CPQ: variants seen among roughly 807,000 people sequenced by gnomAD.
CPQ encodes carboxypeptidase Q, also known as Ser-Met dipeptidase.
A neutral mutation model predicts 45.7 loss-of-function variants in CPQ; 37 were observed. The ratio of observed to expected loss-of-function variants is 0.81; its 90% confidence interval spans 0.62 to 1.07. The LOEUF is 1.07. Among genes scored for constraint, CPQ ranks in the 50% least tolerant of loss-of-function variants. CPQ has a pLI of 0.00. For synonymous variants in CPQ, 186 were observed against 205.8 expected (o/e 0.90, Z 0.82); for missense variants, 537 against 572.9 (o/e 0.94, Z 0.64).
chr8:97,129,311 T>C (rs1374490571), intron 7 of CPQ, among the ~76,000 whole-genome samples: 1 of 152,126 alleles, frequency 6.6e-6, no homozygotes, highest in Non-Finnish European at 1.5e-5. Flanking sequence ...TGAGTAAATA[T>C]GAATTCAGCA....
At chr8:96,685,499 T>C (rs904708499) in intron 1 of CPQ, among the ~76,000 whole-genome samples, 2 of 152,132 alleles carry the variant, frequency 1.3e-5, no homozygotes, top group Non-Finnish European at 2.9e-5. Flanking sequence ...TTTTTTCCGA[T>C]GGGATTCAAA....
At chr8:97,142,110 A>C (rs1207683182) in intron 7 of CPQ, among the ~76,000 whole-genome samples, 1 of 152,196 alleles carries the variant, frequency 6.6e-6, no homozygotes, top group Non-Finnish European at 1.5e-5. Flanking sequence ...GCATTAAATT[A>C]TGGACATATA....
At chr8:96,688,863 A>G (rs547968383) in intron 1 of CPQ, among the ~76,000 whole-genome samples, 12 of 152,300 alleles carry the variant, frequency 7.9e-5, no homozygotes, top group African/African-American at 2.9e-4. Flanking sequence ...AATAATGTTA[A>G]TAAGTCCAGA....
At chr8:97,041,402 T>G (rs537038798) in intron 6 of CPQ, among the ~76,000 whole-genome samples, 91 of 152,300 alleles carry the variant, frequency 6.0e-4, no homozygotes, top group African/African-American at 2.1e-3. Flanking sequence ...AATGGGGTTT[T>G]CTAGATATAC....
intron 6 of CPQ, among the ~76,000 whole-genome samples, chr8:97,036,601 T>TAA (rs760656975): frequency 3.3e-5 from 5 of 152,242 alleles, no homozygotes; most frequent in African/African-American, 4.8e-5. Flanking sequence ...ATAATGTTGC[T>TAA]GTCTTCTCTT....
chr8:97,011,173 T>C (rs1809478746), intron 5 of CPQ, among the ~76,000 whole-genome samples: 3 of 152,220 alleles, frequency 2.0e-5, no homozygotes, highest in Admixed American at 2.0e-4. Context: ...GACATTCCTG[T>C]TGATATAAAT....
At chr8:96,717,744 G>A (rs1306979871) in intron 1 of CPQ, among the ~76,000 whole-genome samples, 2 of 152,126 alleles carry the variant, frequency 1.3e-5, no homozygotes, top group Non-Finnish European at 2.9e-5. Context: ...AGTCGTGGGC[G>A]CTGGGTCAGG....
chr8:96,994,170 A>G (rs1161744275), intron 5 of CPQ, among the ~76,000 whole-genome samples: 2 of 152,176 alleles, frequency 1.3e-5, no homozygotes. Flanking sequence ...TGCATGAACA[A>G]AAAGTCACCT....
At chr8:97,094,444 C>G (rs1297314442) in intron 7 of CPQ, among the ~76,000 whole-genome samples, 2 of 152,236 alleles carry the variant, frequency 1.3e-5, no homozygotes, top group East Asian at 3.9e-4. Context: ...ACCTTCGCTG[C>G]CCCATCCATG....
At chr8:97,075,457 C>T (rs1285008720) in intron 7 of CPQ, among the ~76,000 whole-genome samples, 1 of 152,192 alleles carries the variant, frequency 6.6e-6, no homozygotes, top group East Asian at 1.9e-4. Flanking sequence ...ATGGAGGATA[C>T]AAAAATGAGA....
chr8:96,661,221 T>G (rs189812326), intron 1 of CPQ, among the ~76,000 whole-genome samples: 226 of 152,348 alleles, frequency 1.5e-3, no homozygotes, highest in African/African-American at 5.2e-3. Flanking sequence ...TACTTTTTTT[T>G]GAAAAGCAGT....
chr8:96,927,383 G>C (rs552688651), intron 4 of CPQ, among the ~76,000 whole-genome samples: 1 of 152,286 alleles, frequency 6.6e-6, no homozygotes, highest in Non-Finnish European at 1.5e-5. Context: ...ATGCTTGACT[G>C]TGCCAGTTCC....
chr8:96,745,801 A>G (rs1390870169), intron 1 of CPQ, among the ~76,000 whole-genome samples: 1 of 152,250 alleles, frequency 6.6e-6, no homozygotes, highest in Non-Finnish European at 1.5e-5. Flanking sequence ...ATGAACTATC[A>G]TTTGAAATGG....
intron 1 of CPQ, among the ~76,000 whole-genome samples, chr8:96,781,357 T>C (rs1810683017): frequency 6.6e-6 from 1 of 151,952 alleles, no homozygotes; most frequent in Non-Finnish European, 1.5e-5. Flanking sequence ...TTTAGCTGCA[T>C]CAAAACTTTG....
rs183907219 is a variant in CPQ, at chr8:96,656,159, A to T, written c.-35+10757A>T. On this transcript the variant is annotated intron_variant, in intron 1 of 7. Coordinates refer to ENST00000220763, the MANE Select transcript of CPQ (RefSeq NM_016134.4). ...ATAAGCCACTGCATCCAGCCCCAACAGCTTGCTCTTCTGGTCTTTACAGGT... is the reference window on the plus strand; with the variant it reads ...ATAAGCCACTGCATCCAGCCCCAACTGCTTGCTCTTCTGGTCTTTACAGGT... Among the ~76,000 whole-genome samples the T allele has an allele frequency of 2.4e-3, 361 of 152,308 alleles. 4 individuals carry two copies. Among genetic ancestry groups the T allele is most frequent in the African/African-American group, 8.2e-3 (339 of 41,570 alleles).
intron 5 of CPQ, among the ~76,000 whole-genome samples, chr8:97,006,634 AG>A (rs1809388741): frequency 6.6e-6 from 1 of 152,232 alleles, no homozygotes; most frequent in Non-Finnish European, 1.5e-5. Flanking sequence ...TCCCTTTCTT[AG>A]AACCCCTGGG....
chr8:96,867,283 C>G (rs1251010666), intron 3 of CPQ, among the ~76,000 whole-genome samples: 2 of 151,996 alleles, frequency 1.3e-5, no homozygotes, highest in African/African-American at 2.4e-5. Context: ...AAGGAACACC[C>G]ACTAATTCTT....
intron 7 of CPQ, among the ~76,000 whole-genome samples, chr8:97,127,988 A>G (rs1450613702): frequency 3.3e-5 from 5 of 152,198 alleles, no homozygotes; most frequent in African/African-American, 7.2e-5. Context: ...GAGTGATGGA[A>G]ATGTTCTGTG....
chr8:96,825,944 C>T (rs1563506684), intron 2 of CPQ, among the ~76,000 whole-genome samples: 1 of 151,936 alleles, frequency 6.6e-6, no homozygotes, highest in Non-Finnish European at 1.5e-5. Flanking sequence ...ATCATTTTTG[C>T]CCTTGGTTTA....
Sources: gnomAD v4.1 joint callset for allele counts (sites outside exome capture counted in the v4.1 genomes callset) on GRCh38, gnomAD v4.1.1 for gene constraint, MANE v1.5 for transcripts, NCBI Gene and HGNC (gene_info 2026-07-23, HGNC 2026-07-21) for gene names.